PABPC1L: variants seen among roughly 807,000 people sequenced by gnomAD.
PABPC1L encodes poly(A) binding protein cytoplasmic 1 like.
A neutral mutation model predicts 66.6 loss-of-function variants in PABPC1L; 31 were observed. That is an observed-to-expected ratio of 0.47 (90% CI 0.35 to 0.63). The LOEUF is 0.63. PABPC1L is among the 20% of genes least tolerant of loss of function. The pLI is 0.00. For synonymous variants in PABPC1L, 348 were observed against 335.1 expected, an observed-to-expected ratio of 1.04 and a Z score of -0.42; for missense variants, 722 against 848.8, an observed-to-expected ratio of 0.85 and a Z score of 1.86.
At chr20:44,933,729 G>A (rs1188424226) in intron 10 of PABPC1L, among the ~76,000 whole-genome samples, 1 of 148,726 alleles carries the variant, frequency 6.7e-6, no homozygotes, top group Non-Finnish European at 1.5e-5. Context: ...ACAGGCATGA[G>A]CCACTGTGCC....
In PABPC1L at chr20:44,910,127, C is replaced by T. The variant is rs1322475751; in HGVS notation, c.-17C>T. 6.5e-7 allele frequency: 1 copy of T among 1,545,416 alleles called. No individual in the cohort carries two copies. Among genetic ancestry groups the T allele is most frequent in the Non-Finnish European group, 8.7e-7 (1 of 1,144,028 alleles). ...CCCGGCTCCTGCTTGCCCCGCAGCC[C>T]CGGCCCCCTGCCCACCATGAACGCC... On this transcript the variant is annotated 5_prime_UTR_variant, in exon 1 of 15. Transcript: ENST00000217073.
At chr20:44,920,513 G>A (rs1488433317) in intron 5 of PABPC1L, among the ~76,000 whole-genome samples, 5 of 152,058 alleles carry the variant, frequency 3.3e-5, no homozygotes, top group Non-Finnish European at 5.9e-5. Context: ...CTGTCACCCA[G>A]GATGGAATGC....
At chr20:44,937,495 A>G (rs2066910451) in intron 12 of PABPC1L, among the ~76,000 whole-genome samples, 2 of 151,526 alleles carry the variant, frequency 1.3e-5, no homozygotes, top group African/African-American at 4.9e-5. Flanking sequence ...GCTCACTGCA[A>G]CCTCCACCTC....
chr20:44,922,889 T>A (rs1031379823), intron 6 of PABPC1L, among the ~76,000 whole-genome samples: 1 of 152,166 alleles, frequency 6.6e-6, no homozygotes, highest in African/African-American at 2.4e-5. Context: ...CTGGCAGGCA[T>A]CCTACAGTGC....
intron 6 of PABPC1L, 141 bp downstream of exon 6, chr20:44,921,872 C>A (rs1463220160): frequency 1.6e-6 from 2 of 1,234,512 alleles, no homozygotes; most frequent in Non-Finnish European, 2.2e-6. Flanking sequence ...CATGGGATGG[C>A]CCCCACTGCC....
chr20:44,938,792 G>A (rs756494640), intron 14 of PABPC1L, 44 bp downstream of exon 14: 2 of 1,570,554 alleles, frequency 1.3e-6, no homozygotes, highest in East Asian at 2.3e-5. Context: ...GGGAGAAGCT[G>A]TAAGGAAATA....
chr20:44,916,421 C>A (rs1256626389), intron 2 of PABPC1L, among the ~76,000 whole-genome samples: 1 of 152,232 alleles, frequency 6.6e-6, no homozygotes, highest in Admixed American at 6.5e-5. Context: ...TACAGGCACC[C>A]ACCACCACAT....
At chr20:44,932,891 T>C in intron 9 of PABPC1L, 166 bp from the exon 10 acceptor site, 1 of 595,412 alleles carries the variant, frequency 1.7e-6, no homozygotes, top group South Asian at 2.0e-5. Flanking sequence ...TCCCCCTTTC[T>C]GGAGTTCTGG....
At chr20:44,916,291 GAC>G (rs1455270443) in intron 2 of PABPC1L, among the ~76,000 whole-genome samples, 1 of 151,608 alleles carries the variant, frequency 6.6e-6, no homozygotes, top group African/African-American at 2.4e-5. Flanking sequence ...TTATTTTTTT[GAC>G]ACAGAGTCTC....
intron 10 of PABPC1L, 94 bp from the exon 11 acceptor site, chr20:44,935,297 A>G: frequency 2.3e-6 from 2 of 879,666 alleles, no homozygotes; most frequent in South Asian, 3.0e-5. Flanking sequence ...AACGCTTGTT[A>G]TTTTCTGTTT....
chr20:44,915,057 T>C (rs2066729277), intron 2 of PABPC1L, among the ~76,000 whole-genome samples: 1 of 152,148 alleles, frequency 6.6e-6, no homozygotes, highest in Admixed American at 6.6e-5. Flanking sequence ...GAGGCTTGAG[T>C]TGAAAGTGGA....
At chr20:44,926,970 G>GGA (rs1445108988) in intron 7 of PABPC1L, among the ~76,000 whole-genome samples, 3 of 151,998 alleles carry the variant, frequency 2.0e-5, no homozygotes, top group African/African-American at 7.2e-5. Flanking sequence ...CAACCTCCTG[G>GGA]GCTCAAGTGA....
chr20:44,912,703 C>A lies in PABPC1L; in HGVS notation c.237C>A (p.Gly79=), dbSNP rs2066713357. The A allele has an allele frequency of 6.2e-7, 1 of 1,614,090 alleles. No individual in the cohort carries two copies. Among genetic ancestry groups the A allele is most frequent in the African/African-American group, 1.3e-5 (1 of 75,042 alleles). ...CAATGAACTTTGAGATGCTCAAAGG[C>A]CAGCCTATTCGCATCATGTGGTCCC... ...LDTMNFEMLK[G]QPIRIMWSQR... Residue 79 remains glycine (G), a synonymous_variant, in exon 2 of 15, where the codon GGC becomes GGA. Transcript: ENST00000217073.
rs2075960 is a variant in PABPC1L, at chr20:44,919,036, T to C, written c.634T>C (p.Ser212Pro). ...VDEQGLQDLF[S>P]QFGKMLSVKV... ...CGAGCAAGGCCTGCAGGACCTCTTCTCCCAGTTTGGTGGGTGTGTCCCCAA... is the reference window on the plus strand; with the variant it reads ...CGAGCAAGGCCTGCAGGACCTCTTCCCCCAGTTTGGTGGGTGTGTCCCCAA... The change falls in exon 4 of 15, where the codon TCC becomes CCC. Residue 212 changes from serine (S) to proline (P), a missense_variant. Around this residue, in one of 3 missense-constraint regions of PABPC1L, gnomAD observed 284 missense variants for 294.8 expected, o/e 0.96. Transcript: ENST00000217073. 1.2e-6 allele frequency: 2 copies of C among 1,611,234 alleles called. No homozygotes were observed. The highest frequency in any genetic ancestry group is 3.3e-5 in the Admixed American group (2 of 59,788).
chr20:44,912,842 C>G lies in PABPC1L; in HGVS notation c.376C>G (p.Leu126Val). The G allele has an allele frequency of 6.2e-7, 1 of 1,613,844 alleles. No individual in the cohort carries two copies. Among genetic ancestry groups the G allele is most frequent in the Non-Finnish European group, 8.5e-7 (1 of 1,179,784 alleles). The stretch of plus-strand genomic sequence containing the variant: ...TACCTTCTCCACCTTTGGGAACATC[C>G]TCTCTTGCAAGGTAGAGGATGAAGG... ...YDTFSTFGNI[L>V]SCKVACDEHG... The change falls in exon 2 of 15, where the codon CTC (leucine) becomes GTC (valine). Residue 126 changes from leucine to valine, a missense_variant. By Grantham distance (32) the Leu-to-Val change is conservative. Around this residue, in one of 3 missense-constraint regions of PABPC1L, gnomAD observed 284 missense variants for 294.8 expected, o/e 0.96. Coordinates refer to ENST00000217073, the MANE Select transcript of PABPC1L (RefSeq NM_001372179.1).
At chr20:44,929,127 T>C (rs913083980) in intron 7 of PABPC1L, among the ~76,000 whole-genome samples, 27 of 150,864 alleles carry the variant, frequency 1.8e-4, no homozygotes, top group African/African-American at 5.1e-4. Flanking sequence ...CTGGGTGTGG[T>C]GGCATGTACC....
intron 7 of PABPC1L, among the ~76,000 whole-genome samples, chr20:44,927,351 ATT>A (rs1044185993): frequency 5.8e-5 from 8 of 138,946 alleles, no homozygotes; most frequent in Admixed American, 7.3e-5. Context: ...ATATATATAT[ATT>A]TTTTTTTTTT....
chr20:44,916,750 G>T lies in PABPC1L; in HGVS notation c.388-6G>T. On this transcript the variant is annotated splice_region_variant and splice_polypyrimidine_tract_variant and intron_variant, in intron 2 of 14. Coordinates refer to ENST00000217073, the MANE Select transcript of PABPC1L (RefSeq NM_001372179.1). ...ACTCTTCCTGTCCTTCCTCCCTGTG[G>T]CCCAGGTGGCGTGTGACGAGCATGG... The T allele has an allele frequency of 6.2e-6, 10 of 1,614,038 alleles. No homozygotes were observed. The highest frequency in any genetic ancestry group is 8.5e-6 in the Non-Finnish European group (10 of 1,179,894).
rs569266341 is a variant in PABPC1L, at chr20:44,914,524, A to C, written c.387+1671A>C. The stretch of plus-strand genomic sequence containing the variant: ...CACCTGGCATGTCAGAACTTTTATC[A>C]AGTGCTACTGTGTGCCAAGCATAAT... On this transcript the variant is annotated intron_variant, in intron 2 of 14. Transcript: ENST00000217073. Among the ~76,000 whole-genome samples the C allele has an allele frequency of 3.9e-5, 6 of 152,186 alleles. No homozygotes were observed. In the South Asian group the frequency reaches 1.2e-3, roughly 32 times the overall value.
Sources: gnomAD v4.1 joint callset for allele counts (sites outside exome capture counted in the v4.1 genomes callset) on GRCh38, gnomAD v4.1.1 for gene constraint, gnomAD v4.1.1 regional missense constraint, MANE v1.5 for transcripts, NCBI Gene and HGNC (gene_info 2026-07-23, HGNC 2026-07-21) for gene names.